Variants in CHFR observed in about 807,000 individuals in gnomAD.
The protein encoded by CHFR is E3 ubiquitin-protein ligase CHFR.
Under a neutral mutation model 87.6 loss-of-function variants are expected in CHFR, and 57 were observed. The ratio of observed to expected loss-of-function variants is 0.65; its 90% CI spans 0.53 to 0.81. The LOEUF is 0.81. CHFR is among the 30% of genes least tolerant of loss of function. The probability of loss-of-function intolerance (pLI) is 0.00; values close to 1 mark genes in which losing one functional copy is unlikely to be tolerated. For synonymous variants in CHFR, 381 were observed against 359.2 expected, an observed-to-expected ratio of 1.06 and a Z score of -0.69; for missense variants, 797 against 865.8, an observed-to-expected ratio of 0.92 and a Z score of 1.00.
intron 11 of CHFR, among the ~76,000 whole-genome samples, chr12:132,852,109 G>A (rs1178235132): frequency 3.3e-5 from 5 of 151,324 alleles, no homozygotes; most frequent in East Asian, 1.9e-4. Flanking sequence ...TTAGCCTCCC[G>A]AGTAGCTGGG....
chr12:132,845,221 C>T (rs915716210), intron 15 of CHFR, among the ~76,000 whole-genome samples: 4 of 151,568 alleles, frequency 2.6e-5, no homozygotes, highest in East Asian at 3.9e-4. Flanking sequence ...TTTGGGAGGC[C>T]GAGGCAGGCG....
At chr12:132,875,404 G>A (rs1242439314) in intron 3 of CHFR, among the ~76,000 whole-genome samples, 2 of 152,208 alleles carry the variant, frequency 1.3e-5, no homozygotes, top group African/African-American at 4.8e-5. Context: ...CACTTGGGGA[G>A]GCTGAGGCAG....
At chr12:132,855,920 T>C (rs1471798277) in intron 10 of CHFR, among the ~76,000 whole-genome samples, 3 of 152,188 alleles carry the variant, frequency 2.0e-5, no homozygotes, top group Non-Finnish European at 4.4e-5. Context: ...ACCCCGGTCT[T>C]GTGCATTAGG....
intron 15 of CHFR, 101 bp downstream of exon 15, chr12:132,846,942 G>A (rs1950843392): frequency 2.5e-6 from 2 of 810,168 alleles, no homozygotes; most frequent in Non-Finnish European, 4.2e-6. Flanking sequence ...CTCTCTTCCA[G>A]GGTGGGTGAA....
intron 5 of CHFR, 151 bp downstream of exon 5, chr12:132,870,573 T>C (rs1196956446): frequency 9.8e-6 from 5 of 510,720 alleles, no homozygotes; most frequent in South Asian, 3.3e-5. Flanking sequence ...AGCAGGGGAA[T>C]TGCTTGAACC....
intron 6 of CHFR, among the ~76,000 whole-genome samples, chr12:132,865,406 G>A (rs1339804180): frequency 6.6e-6 from 1 of 151,912 alleles, no homozygotes; most frequent in Non-Finnish European, 1.5e-5. Flanking sequence ...CCAGGCTGGA[G>A]TGCAGTGACG....
chr12:132,872,190 T>C (rs1238710772), intron 4 of CHFR, 95 bp downstream of exon 4: 11 of 761,982 alleles, frequency 1.4e-5, no homozygotes, highest in African/African-American at 3.4e-5. Flanking sequence ...GGAACGTTCC[T>C]ATGGGAAGGG....
At chr12:132,884,755 C>A (rs1211801839) in intron 2 of CHFR, among the ~76,000 whole-genome samples, 1 of 152,162 alleles carries the variant, frequency 6.6e-6, no homozygotes, top group Non-Finnish European at 1.5e-5. Flanking sequence ...AATCTGCCAA[C>A]ACCTTGATCT....
intron 4 of CHFR, chr12:132,872,069 G>A (rs1163045310): frequency 7.9e-6 from 4 of 508,030 alleles, no homozygotes; most frequent in African/African-American, 5.8e-5. Context: ...CATGGCCACA[G>A]TGGTATTCCT....
At chr12:132,847,404 T>C in intron 14 of CHFR, 3 of 1,193,044 alleles carry the variant, frequency 2.5e-6, no homozygotes, top group South Asian at 1.8e-5. Flanking sequence ...CAGGTGTGAA[T>C]GAGACATGAA....
At chr12:132,864,267 AAG>A (rs1466405553) in intron 6 of CHFR, among the ~76,000 whole-genome samples, 1 of 151,904 alleles carries the variant, frequency 6.6e-6, no homozygotes, top group Non-Finnish European at 1.5e-5. Context: ...AACAGAAGGA[AAG>A]AGACAGCCTG....
chr12:132,844,174 C>T (rs369617038), intron 15 of CHFR, 40 bp from the exon 16 acceptor site: 2 of 1,370,394 alleles, frequency 1.5e-6, no homozygotes, highest in Non-Finnish European at 2.1e-6. Flanking sequence ...ACACCATCTT[C>T]CCAACAGCAG....
At chr12:132,861,849 G>A (rs1951216906) in intron 6 of CHFR, 1 of 537,686 alleles carries the variant, frequency 1.9e-6, no homozygotes. Flanking sequence ...TGGGGGCAAG[G>A]AGCCCATTTG....
At chr12:132,847,002 C>T (rs766185512) in intron 15 of CHFR, 41 bp downstream of exon 15, 3 of 1,470,288 alleles carry the variant, frequency 2.0e-6, no homozygotes, top group Admixed American at 1.7e-5. Flanking sequence ...GCCCTGGACA[C>T]TCACATGCGC....
chr12:132,887,162 GC>G, intron 2 of CHFR, 33 bp downstream of exon 2: 3 of 1,450,224 alleles, frequency 2.1e-6, no homozygotes, highest in Non-Finnish European at 1.8e-6. Context: ...GCTCTGCCCG[GC>G]CCCGGCCCCC....
Position 132,841,531 on chromosome 12 carries a change from A to C in CHFR, c.*23T>G. The C allele has an allele frequency of 1.2e-6, 2 of 1,603,104 alleles. No homozygotes were observed. Among genetic ancestry groups the C allele is most frequent in the Non-Finnish European group, 1.7e-6 (2 of 1,169,958 alleles). On this transcript the variant is annotated 3_prime_UTR_variant, in exon 18 of 18. Coordinates refer to ENST00000450056, the MANE Select transcript of CHFR (RefSeq NM_001161346.2). Reference sequence around the variant, plus strand: ...CGCTCTCTTCACCTCCAGTGCTGAAAGCTGCTCAGGGCCTCTGGATGCTTA... The same window carrying C: ...CGCTCTCTTCACCTCCAGTGCTGAACGCTGCTCAGGGCCTCTGGATGCTTA...
At chr12:132,868,046 A>G (rs1048628107) in intron 6 of CHFR, 5 of 152,218 alleles carry the variant, frequency 3.3e-5, no homozygotes, top group African/African-American at 1.2e-4. Context: ...AAGAAAACAG[A>G]AAACATTCCC....
At chr12:132,844,244 C>T (rs1190137469) in intron 15 of CHFR, 110 bp from the exon 16 acceptor site, 11 of 674,760 alleles carry the variant, frequency 1.6e-5, no homozygotes, top group South Asian at 6.3e-5. Context: ...GTGAAGACAA[C>T]GGGCGACACA....
At chr12:132,874,068 G>A (rs1951559029) in intron 3 of CHFR, among the ~76,000 whole-genome samples, 1 of 152,208 alleles carries the variant, frequency 6.6e-6, no homozygotes, top group African/African-American at 2.4e-5. Flanking sequence ...ACCTGGAAAA[G>A]GCAGAGAACA....
Sources: gnomAD v4.1 joint callset for allele counts (sites outside exome capture counted in the v4.1 genomes callset) on GRCh38, gnomAD v4.1.1 for gene constraint, MANE v1.5 for transcripts, NCBI Gene and HGNC (gene_info 2026-07-23, HGNC 2026-07-21) for gene names.